The following CFAP77 variants were observed in gnomAD, a reference collection of about 807,000 sequenced individuals.
The protein encoded by CFAP77 is cilia and flagella associated protein 77, also known as cilia- and flagella-associated protein 77.
In CFAP77, 25 loss-of-function variants were observed where a neutral mutation model predicts 31.1. That is an observed-to-expected ratio of 0.80 (90% confidence interval 0.59 to 1.12). The LOEUF (loss-of-function observed/expected upper bound fraction) is 1.12. CFAP77 is among the 50% of genes most tolerant of loss of function. The pLI, the probability that CFAP77 is intolerant of heterozygous loss-of-function variation, is 0.00. For missense variants in CFAP77, 377 were observed against 397.3 expected (o/e 0.95, Z 0.44); for synonymous variants, 151 against 159.9 (o/e 0.94, Z 0.42).
rs561620716 is a variant in CFAP77 at position 132,422,928 on chromosome 9, G to C, written c.195+12462G>C. ...CAGATGGCAGGACGTGTCCTTCCAG[G>C]CTGGTTTAGGGTTAGTGACTACGAT... On this transcript the variant is annotated intron_variant, in intron 1 of 5. Transcript: ENST00000393216. Among the ~76,000 whole-genome samples, 39 of 152,330 alleles carry C rather than the reference G, an allele frequency of 2.6e-4. No homozygotes were observed. The South Asian group carries it at 3.9e-3, about 15-fold the overall frequency.
intron 3 of CFAP77, among the ~76,000 whole-genome samples, chr9:132,514,414 G>A (rs1284686082): frequency 3.3e-5 from 5 of 152,200 alleles, no homozygotes; most frequent in Non-Finnish European, 5.9e-5. Flanking sequence ...TGAGAATCCA[G>A]TCTCCTAACA....
intron 1 of CFAP77, among the ~76,000 whole-genome samples, chr9:132,420,311 G>A (rs748140263): frequency 2.0e-5 from 3 of 151,916 alleles, no homozygotes; most frequent in Non-Finnish European, 4.4e-5. Context: ...TTCCACTGGG[G>A]GAACAGGACA....
intron 1 of CFAP77, among the ~76,000 whole-genome samples, chr9:132,451,330 C>T (rs144014462): frequency 0.052 from 6,897 of 133,768 alleles, 550 homozygotes; most frequent in African/African-American, 0.19. Flanking sequence ...AAGAGCGAAA[C>T]TCCATCTTAA....
chr9:132,504,357 G>C (rs1365467037), intron 3 of CFAP77, among the ~76,000 whole-genome samples: 2 of 152,194 alleles, frequency 1.3e-5, no homozygotes, highest in East Asian at 3.8e-4. Context: ...TTATCATCCA[G>C]CTTTCAATAT....
At position 132,499,655 on chromosome 9, in the gene CFAP77, C is replaced by T; in HGVS notation, c.524+55C>T. On this transcript the variant is annotated intron_variant, in intron 3 of 5. Transcript: ENST00000393216. The surrounding 1 kb of genome is among the most constrained non-coding windows in gnomAD (Gnocchi z 5.4). ...CCTTGAGGGGGTGGAGGTACCAGCT[C>T]AATCAGGGACAAGGTCGGAGGGTGA... 6.6e-7 allele frequency: 1 copy of T among 1,517,582 alleles called. No homozygotes were observed. Among genetic ancestry groups the T allele is most frequent in the Non-Finnish European group, 9.1e-7 (1 of 1,093,708 alleles). The allele number at this position is 1,517,582 out of a possible 1,614,324, so 94.0% of individuals were successfully genotyped here. A position where few individuals can be genotyped will look rare whatever the true frequency, so the allele number is the denominator to read the frequency against.
chr9:132,437,496 C>CT (rs1325287322), intron 1 of CFAP77, among the ~76,000 whole-genome samples: 1 of 143,840 alleles, frequency 7.0e-6, no homozygotes, highest in Non-Finnish European at 1.5e-5. Context: ...GGCGGGACCA[C>CT]TTTTGCATTT....
chr9:132,438,541 A>ATATATATATT, intron 1 of CFAP77, among the ~76,000 whole-genome samples: 1 of 108,154 alleles, frequency 9.2e-6, no homozygotes, highest in Non-Finnish European at 1.8e-5. Flanking sequence ...ATATATATAT[A>ATATATATATT]TTTTTTTTTT....
intron 3 of CFAP77, chr9:132,513,248 G>A: frequency 6.5e-7 from 1 of 1,544,742 alleles, no homozygotes; most frequent in Non-Finnish European, 8.7e-7. Context: ...CCTTTCTTTT[G>A]TGTTTATTAG....
chr9:132,531,013 T>G (rs1207908259), intron 3 of CFAP77, among the ~76,000 whole-genome samples: 2 of 152,234 alleles, frequency 1.3e-5, no homozygotes, highest in African/African-American at 4.8e-5. Context: ...GTCCAAGATA[T>G]CCAAGGCTCC....
intron 1 of CFAP77, among the ~76,000 whole-genome samples, chr9:132,493,387 GA>G (rs1851681902): frequency 6.6e-6 from 1 of 151,914 alleles, no homozygotes; most frequent in Non-Finnish European, 1.5e-5. Flanking sequence ...AATGCATTTG[GA>G]AAAAAAATAG....
intron 1 of CFAP77, among the ~76,000 whole-genome samples, chr9:132,435,502 T>C (rs778567568): frequency 2.6e-5 from 4 of 152,072 alleles, no homozygotes; most frequent in Admixed American, 6.5e-5. Context: ...CACTTCAAAC[T>C]AAATAAAAGT....
intron 5 of CFAP77, among the ~76,000 whole-genome samples, chr9:132,549,496 A>G (rs1331654348): frequency 6.6e-6 from 1 of 152,040 alleles, no homozygotes; most frequent in East Asian, 1.9e-4. Context: ...GATACCCCCC[A>G]TTCTACATGG....
chr9:132,530,942 T>C (rs1852433821), intron 3 of CFAP77, among the ~76,000 whole-genome samples: 1 of 152,234 alleles, frequency 6.6e-6, no homozygotes, highest in South Asian at 2.1e-4. Flanking sequence ...GAGTTAATTC[T>C]TGTATCAGGT....
At chr9:132,561,604 TACAC>T (rs61039438) in intron 5 of CFAP77, among the ~76,000 whole-genome samples, 10,925 of 111,264 alleles carry the variant, frequency 0.098, 601 homozygotes, top group Middle Eastern at 0.14. Flanking sequence ...GAGGTGCATG[TACAC>T]ACACACACAC....
chr9:132,540,888 G>A (rs1391492140), intron 4 of CFAP77, among the ~76,000 whole-genome samples: 1 of 152,180 alleles, frequency 6.6e-6, no homozygotes, highest in Non-Finnish European at 1.5e-5. Context: ...AGTATGCCAA[G>A]GGGGCATATT....
At chr9:132,479,501 G>A (rs568186791) in intron 1 of CFAP77, among the ~76,000 whole-genome samples, 12 of 152,318 alleles carry the variant, frequency 7.9e-5, no homozygotes, top group Middle Eastern at 6.8e-3. Context: ...TCCTTGTGGC[G>A]TTCTTGAAAT....
intron 1 of CFAP77, among the ~76,000 whole-genome samples, chr9:132,482,960 TA>T (rs11453776): frequency 1.6e-3 from 226 of 141,002 alleles, no homozygotes; most frequent in Non-Finnish European, 2.0e-3. Context: ...AATAATAATT[TA>T]AAAAAAAAAA....
chr9:132,533,331 C>T (rs180902177), intron 3 of CFAP77, among the ~76,000 whole-genome samples: 97 of 152,276 alleles, frequency 6.4e-4, no homozygotes, highest in Non-Finnish European at 5.4e-4. Context: ...CCCCTGTGTA[C>T]GAGTGTCCTG....
At chr9:132,478,103 A>C (rs1041698010) in intron 1 of CFAP77, among the ~76,000 whole-genome samples, 2 of 152,066 alleles carry the variant, frequency 1.3e-5, no homozygotes, top group Non-Finnish European at 2.9e-5. Flanking sequence ...CTCATGTGGA[A>C]TTGTAATCCC....
Sources: allele counts gnomAD v4.1 joint callset (sites outside exome capture counted in the v4.1 genomes callset), GRCh38; gene constraint gnomAD v4.1.1; non-coding constraint Gnocchi (gnomAD v3.1); transcripts MANE v1.5; gene names NCBI Gene and HGNC (gene_info 2026-07-23, HGNC 2026-07-21).